The following DOCK4 variants were observed in gnomAD, a reference collection of about 807,000 sequenced individuals.
DOCK4 encodes dedicator of cytokinesis 4.
In DOCK4, 97 loss-of-function variants were observed where a neutral mutation model predicts 268.1. The observed-to-expected ratio is 0.36, with a 90% CI of 0.31 to 0.43. DOCK4 has a LOEUF of 0.43. Ranked by LOEUF, DOCK4 falls within the 20% of genes least tolerant of loss-of-function variation. DOCK4 has a pLI of 1.00. For synonymous variants in DOCK4, 954 were observed against 887.2 expected, an observed-to-expected ratio of 1.08 and a Z score of -1.34; for missense variants, 2,145 against 2,455.7, an observed-to-expected ratio of 0.87 and a Z score of 2.67.
At chr7:111,846,937 T>C (rs1407534397) in intron 24 of DOCK4, 62 bp downstream of exon 24, 148 of 1,545,516 alleles carry the variant, frequency 9.6e-5, no homozygotes, top group Non-Finnish European at 1.3e-4. Context: ...TGTAGACTAT[T>C]ACAAGTTTAT....
chr7:111,942,188 T>C (rs1360349788), intron 10 of DOCK4, among the ~76,000 whole-genome samples: 1 of 152,088 alleles, frequency 6.6e-6, no homozygotes, highest in Admixed American at 6.5e-5. Flanking sequence ...AAGGGAGGCA[T>C]AGAGGTTGAA....
chr7:112,140,131 G>A (rs1029393577), intron 1 of DOCK4, among the ~76,000 whole-genome samples: 3 of 151,990 alleles, frequency 2.0e-5, no homozygotes, highest in Admixed American at 6.6e-5. Context: ...AAAAGTTTGC[G>A]ATCTAGTCCG....
intron 39 of DOCK4, among the ~76,000 whole-genome samples, chr7:111,760,944 T>C (rs573557530): frequency 2.0e-5 from 3 of 152,144 alleles, no homozygotes; most frequent in Non-Finnish European, 2.9e-5. Context: ...GAAGTTGTAA[T>C]TGAGCACAGT....
At chr7:111,800,942 G>T (rs1352305672) in intron 30 of DOCK4, among the ~76,000 whole-genome samples, 2 of 152,178 alleles carry the variant, frequency 1.3e-5, no homozygotes, top group Admixed American at 6.5e-5. Flanking sequence ...TAGTGGTAAA[G>T]GTTCTCTGTG....
rs557815132 is a variant in DOCK4, at chr7:112,158,479, A to G, written c.37+47623T>C. ...ATAGTCCTTGGAATTCCAAAACACA[A>G]TGAATTTTGATCAAATACAAGAACT... is the stretch of plus-strand genomic sequence containing the variant. On this transcript the variant is annotated intron_variant, in intron 1 of 52. Coordinates refer to ENST00000428084, the MANE Select transcript of DOCK4 (RefSeq NM_001363540.2). Among the ~76,000 whole-genome samples, 5 of 152,320 alleles carry G rather than the reference A, an allele frequency of 3.3e-5. No homozygotes were observed. The East Asian group carries it at 9.6e-4, about 29-fold the overall frequency.
chr7:112,102,232 T>C (rs1810765442), intron 1 of DOCK4, among the ~76,000 whole-genome samples: 1 of 152,174 alleles, frequency 6.6e-6, no homozygotes, highest in Non-Finnish European at 1.5e-5. Context: ...AGAAAACATA[T>C]CCGTTAACAA....
At chr7:111,893,980 T>C (rs1808504224) in intron 16 of DOCK4, among the ~76,000 whole-genome samples, 1 of 151,736 alleles carries the variant, frequency 6.6e-6, no homozygotes, top group Admixed American at 6.6e-5. Flanking sequence ...TCCCAGCACT[T>C]TGGGAGGCTG....
intron 1 of DOCK4, among the ~76,000 whole-genome samples, chr7:112,035,885 A>C (rs1803709267): frequency 6.6e-6 from 1 of 152,192 alleles, no homozygotes; most frequent in South Asian, 2.1e-4. Flanking sequence ...ATTTTTAAAA[A>C]ATCGAGCTAT....
chr7:112,056,522 A>T (rs1471612920), intron 1 of DOCK4, among the ~76,000 whole-genome samples: 2 of 152,176 alleles, frequency 1.3e-5, no homozygotes, highest in Non-Finnish European at 2.9e-5. Context: ...TGGAACCATG[A>T]CGCATTCAGA....
intron 1 of DOCK4, among the ~76,000 whole-genome samples, chr7:112,028,037 G>A (rs944088676): frequency 6.6e-6 from 1 of 152,290 alleles, no homozygotes; most frequent in South Asian, 2.1e-4. Flanking sequence ...AAGCCTCCAT[G>A]ACAAAGATAG....
chr7:111,963,874 T>C (rs1304992934), intron 8 of DOCK4, among the ~76,000 whole-genome samples: 1 of 77,436 alleles, frequency 1.3e-5, no homozygotes, highest in Non-Finnish European at 2.4e-5. Flanking sequence ...ACCGGCAGAC[T>C]GCCTCCTCAA....
chr7:112,154,378 T>C (rs924594043), intron 1 of DOCK4, among the ~76,000 whole-genome samples: 1 of 152,232 alleles, frequency 6.6e-6, no homozygotes, highest in Non-Finnish European at 1.5e-5. Flanking sequence ...AACAAGAGAC[T>C]GCTGCTTTCA....
intron 44 of DOCK4, among the ~76,000 whole-genome samples, chr7:111,742,764 C>T (rs543792686): frequency 3.5e-4 from 53 of 152,294 alleles, no homozygotes; most frequent in Middle Eastern, 6.8e-3. Context: ...GAGGCCAAGG[C>T]GGGTTGATCA....
At chr7:111,840,030 C>A (rs1273897556) in intron 25 of DOCK4, among the ~76,000 whole-genome samples, 2 of 152,074 alleles carry the variant, frequency 1.3e-5, no homozygotes, top group African/African-American at 4.8e-5. Context: ...CCATCAGTGG[C>A]CAAGATGTAC....
intron 12 of DOCK4, among the ~76,000 whole-genome samples, chr7:111,922,001 C>T (rs903011426): frequency 2.0e-5 from 3 of 152,200 alleles, no homozygotes; most frequent in Admixed American, 6.5e-5. Flanking sequence ...GAACAATCCT[C>T]TAACATAGGA....
At chr7:111,905,774 TA>T (rs1791518616) in intron 13 of DOCK4, among the ~76,000 whole-genome samples, 1 of 151,822 alleles carries the variant, frequency 6.6e-6, no homozygotes, top group African/African-American at 2.4e-5. Flanking sequence ...TGGAACCAAA[TA>T]AAATTTCCTG....
intron 41 of DOCK4, among the ~76,000 whole-genome samples, chr7:111,758,422 A>G (rs1797179122): frequency 6.6e-6 from 1 of 152,174 alleles, no homozygotes; most frequent in Admixed American, 6.5e-5. Flanking sequence ...TGAGCTGGGC[A>G]CCAGAAATCT....
intron 1 of DOCK4, among the ~76,000 whole-genome samples, chr7:112,084,822 G>A (rs1808915952): frequency 6.6e-6 from 1 of 152,060 alleles, no homozygotes. Flanking sequence ...CACTTCCCGT[G>A]TGACCGGCTT....
At chr7:111,867,960 T>A in intron 22 of DOCK4, 24 bp downstream of exon 22, 1 of 1,546,470 alleles carries the variant, frequency 6.5e-7, no homozygotes, top group Non-Finnish European at 8.7e-7. Flanking sequence ...TTTCTTCTAT[T>A]CAGCATAGAT....
Sources: gnomAD v4.1 joint callset for allele counts (sites outside exome capture counted in the v4.1 genomes callset) on GRCh38, gnomAD v4.1.1 for gene constraint, MANE v1.5 for transcripts, NCBI Gene and HGNC (gene_info 2026-07-23, HGNC 2026-07-21) for gene names.